The following AK2 variants were observed in gnomAD, a reference collection of about 807,000 sequenced individuals.
The protein encoded by AK2 is adenylate kinase 2, mitochondrial.
A neutral mutation model predicts 24.6 loss-of-function variants in AK2; 15 were observed. That is an observed-to-expected ratio of 0.61 (90% CI 0.41 to 0.94). AK2 has a LOEUF of 0.94. AK2 is among the 40% of genes least tolerant of loss of function. The pLI is 0.00. For missense variants in AK2, 257 were observed against 304.1 expected (o/e 0.85, Z 1.15); for synonymous variants, 102 against 114.0 (o/e 0.90, Z 0.67).
chr1:33,024,671 A>G lies in AK2; in HGVS notation c.94-104T>C, dbSNP rs572591039. 7.1e-6 allele frequency: 10 copies of G among 1,412,992 alleles called. No homozygotes were observed. The Admixed American group carries it at 1.6e-4, about 23-fold the overall frequency. 87.5% of individuals were successfully genotyped at this position (1,412,992 alleles called of 1,614,324 possible). A position where few individuals can be genotyped will look rare whatever the true frequency, so the allele number is the denominator to read the frequency against. On this transcript the variant is annotated intron_variant, in intron 1 of 5. Transcript: ENST00000672715. ...CCTGCCACTTACTGGCTATGTAAAC[A>G]TGGGCAAATGCCTACTTCCTTACCT... is the stretch of plus-strand genomic sequence containing the variant.
At chr1:33,033,311 G>A (rs1035989514) in intron 1 of AK2, among the ~76,000 whole-genome samples, 1 of 152,102 alleles carries the variant, frequency 6.6e-6, no homozygotes, top group Non-Finnish European at 1.5e-5. Flanking sequence ...GGAGGAGCCC[G>A]GTAGTTCAAG....
intron 1 of AK2, among the ~76,000 whole-genome samples, chr1:33,030,262 T>C (rs552914390): frequency 2.6e-5 from 4 of 152,216 alleles, no homozygotes; most frequent in Non-Finnish European, 5.9e-5. Flanking sequence ...TCTGAGTACA[T>C]TTCTCCCATC....
At chr1:33,029,534 C>G (rs1027991012) in intron 1 of AK2, 1 of 150,958 alleles carries the variant, frequency 6.6e-6, no homozygotes, top group South Asian at 2.1e-4. Context: ...CTGCCTTAGT[C>G]TCCCAGGTAG....
At chr1:33,031,622 T>G (rs1419726510) in intron 1 of AK2, 1 of 456,072 alleles carries the variant, frequency 2.2e-6, no homozygotes, top group South Asian at 1.5e-5. Context: ...ACTTGCTATG[T>G]AGCCTAGAGA....
At chr1:33,031,557 T>A in intron 1 of AK2, 1 of 455,926 alleles carries the variant, frequency 2.2e-6, no homozygotes, top group Non-Finnish European at 4.4e-6. Flanking sequence ...GGGCAGTAGA[T>A]AGCAGCAGAA....
intron 1 of AK2, among the ~76,000 whole-genome samples, chr1:33,030,566 C>T (rs1189493013): frequency 2.6e-5 from 4 of 152,078 alleles, no homozygotes; most frequent in African/African-American, 9.7e-5. Context: ...AAAACAAAAA[C>T]ACCTCCCCAA....
chr1:33,010,275 A>T lies in AK2; in HGVS notation c.*2906T>A, dbSNP rs1293866392. ...TTTCATTCCCTTCCCCCTCCCCTTGATTCCAGTTTGCTTGATTTGTTGAGC... is the reference window on the plus strand; with the variant it reads ...TTTCATTCCCTTCCCCCTCCCCTTGTTTCCAGTTTGCTTGATTTGTTGAGC... On this transcript the variant is annotated 3_prime_UTR_variant, in exon 6 of 6. Coordinates refer to ENST00000672715, the MANE Select transcript of AK2 (RefSeq NM_001625.4). 4.4e-6 allele frequency: 2 copies of T among 454,852 alleles called. No individual in the cohort carries two copies. The highest frequency in any genetic ancestry group is 4.7e-5 in the Admixed American group (2 of 42,566). The allele number at this position is 454,852 out of a possible 1,614,324, so 28.2% of individuals were successfully genotyped here. A position where few individuals can be genotyped will look rare whatever the true frequency, so the allele number is the denominator to read the frequency against.
chr1:33,012,023 T>C lies in AK2; in HGVS notation c.*1158A>G. On this transcript the variant is annotated 3_prime_UTR_variant, in exon 6 of 6. Coordinates refer to ENST00000672715, the MANE Select transcript of AK2 (RefSeq NM_001625.4). ...AAGAATAGATCACACACTGTTTTGT[T>C]CACACTTGGAAACACAGGCAAACAT... 2 of 1,535,406 alleles carry C rather than the reference T, an allele frequency of 1.3e-6. No homozygotes were observed. The highest frequency in any genetic ancestry group is 1.2e-5 in the South Asian group (1 of 84,046).
In AK2 at chr1:33,008,176, T is replaced by C. The variant is rs1638591980; in HGVS notation, c.*5005A>G. 4.4e-6 allele frequency: 2 copies of C among 454,154 alleles called. No individual in the cohort carries two copies. Among genetic ancestry groups the C allele is most frequent in the Non-Finnish European group, 8.8e-6 (2 of 226,902 alleles). The allele number at this position is 454,154 out of a possible 1,614,324, so 28.1% of individuals were successfully genotyped here. On this transcript the variant is annotated 3_prime_UTR_variant, in exon 6 of 6. Coordinates refer to ENST00000672715, the MANE Select transcript of AK2 (RefSeq NM_001625.4). Reference sequence around the variant, plus strand: ...CCATCTGTGTTTACTAAGCATCTGCTGTGTCCTGGGCAGTCCAACCCACAT... The same window carrying C: ...CCATCTGTGTTTACTAAGCATCTGCCGTGTCCTGGGCAGTCCAACCCACAT...
chr1:33,018,135 T>C (rs1639310699), intron 4 of AK2, among the ~76,000 whole-genome samples: 1 of 152,140 alleles, frequency 6.6e-6, no homozygotes. Context: ...ATTAAGATAA[T>C]ACCGGAGAGC....
chr1:33,024,135 C>A (rs910512545), intron 2 of AK2: 2 of 354,076 alleles, frequency 5.6e-6, no homozygotes, highest in Non-Finnish European at 1.1e-5. Flanking sequence ...TGCGCCACTG[C>A]ACTCCAGCCT....
Position 33,036,883 on chromosome 1 carries a change from T to C in AK2, c.-55A>G. On this transcript the variant is annotated 5_prime_UTR_variant, in exon 1 of 6. Coordinates refer to ENST00000672715, the MANE Select transcript of AK2 (RefSeq NM_001625.4). ...TCGCACGCCTCACAGGTCCAGTGCT[T>C]CCCAGGTCAACGCACGCACGCCACG... is the stretch of plus-strand genomic sequence containing the variant. 6.8e-7 allele frequency: 1 copy of C among 1,468,654 alleles called. No homozygotes were observed. Among genetic ancestry groups the C allele is most frequent in the South Asian group, 1.2e-5 (1 of 82,768 alleles). The allele number at this position is 1,468,654 out of a possible 1,614,324, so 91.0% of individuals were successfully genotyped here.
In AK2 at chr1:33,011,191, T is replaced by C. The variant is rs1162954044; in HGVS notation, c.*1990A>G. 1.5e-6 allele frequency: 2 copies of C among 1,299,840 alleles called. No homozygotes were observed. Among genetic ancestry groups the C allele is most frequent in the Non-Finnish European group, 2.0e-6 (2 of 1,009,406 alleles). The allele number at this position is 1,299,840 out of a possible 1,614,324, so 80.5% of individuals were successfully genotyped here. On this transcript the variant is annotated 3_prime_UTR_variant, in exon 6 of 6. Coordinates refer to ENST00000672715, the MANE Select transcript of AK2 (RefSeq NM_001625.4). ...AGCAAACATTCAAGAACCTCAACTT[T>C]GAGGCCAAGTGCTTACAATTGTCCC...
rs778698293 is a variant in AK2, at chr1:33,009,151, C to T, written c.*4030G>A. 5 of 452,084 alleles carry T rather than the reference C, an allele frequency of 1.1e-5. No individual in the cohort carries two copies. The highest frequency in any genetic ancestry group is 2.2e-5 in the Non-Finnish European group (5 of 225,698). The allele number at this position is 452,084 out of a possible 1,614,324, so 28.0% of individuals were successfully genotyped here. ...TAATATGTCAGTGAAGACCCTGCCT[C>T]TCTCTGTAACAAGATGCCTAAAGAA... On this transcript the variant is annotated 3_prime_UTR_variant, in exon 6 of 6. Coordinates refer to ENST00000672715, the MANE Select transcript of AK2 (RefSeq NM_001625.4).
chr1:33,009,287 G>C lies in AK2; in HGVS notation c.*3894C>G, dbSNP rs1408588080. The C allele has an allele frequency of 2.2e-6, 1 of 454,116 alleles. No homozygotes were observed. Among genetic ancestry groups the C allele is most frequent in the Non-Finnish European group, 4.4e-6 (1 of 226,806 alleles). 28.1% of individuals were successfully genotyped at this position (454,116 alleles called of 1,614,324 possible). On this transcript the variant is annotated 3_prime_UTR_variant, in exon 6 of 6. Coordinates refer to ENST00000672715, the MANE Select transcript of AK2 (RefSeq NM_001625.4). ...CCAAAAACATGAGAGCTTTAGTTTG[G>C]AGAAATTATTTAAGCTCACTTTTGC...
At chr1:33,032,722 T>C (rs760591987) in intron 1 of AK2, among the ~76,000 whole-genome samples, 17 of 152,012 alleles carry the variant, frequency 1.1e-4, no homozygotes, top group Non-Finnish European at 1.6e-4. Flanking sequence ...GGCCAAAAAA[T>C]TGAACCTAAA....
chr1:33,012,609 C>T lies in AK2; in HGVS notation c.*572G>A, dbSNP rs1358623566. On this transcript the variant is annotated 3_prime_UTR_variant, in exon 6 of 6. Coordinates refer to ENST00000672715, the MANE Select transcript of AK2 (RefSeq NM_001625.4). ...TCAAAAGTATGGTTAAAGAAGTAAA[C>T]AGCTGGGCTGGGTGTAGTGGCTCAC... is the stretch of plus-strand genomic sequence containing the variant. 9 of 1,290,244 alleles carry T rather than the reference C, an allele frequency of 7.0e-6. No individual in the cohort carries two copies. Among genetic ancestry groups the T allele is most frequent in the Non-Finnish European group, 8.1e-6 (8 of 991,016 alleles). 79.9% of individuals were successfully genotyped at this position (1,290,244 alleles called of 1,614,324 possible).
At chr1:33,019,778 G>C in intron 4 of AK2, 5 of 1,061,986 alleles carry the variant, frequency 4.7e-6, no homozygotes, top group East Asian at 7.4e-5. Flanking sequence ...CATGCATTAT[G>C]ATGGCCATAG....
rs752317962 is a variant in AK2 at position 33,013,082 on chromosome 1, G to T, written c.*99C>A. 28 of 1,609,358 alleles carry T rather than the reference G, an allele frequency of 1.7e-5. No individual in the cohort carries two copies. The highest frequency in any genetic ancestry group is 1.6e-4 in the Middle Eastern group (1 of 6,084). ...TGCTTTTTTAATCAATACATCAAAT[G>T]ATATTTTTGCTAGCCTGAGGAAGCT... is the stretch of plus-strand genomic sequence containing the variant. On this transcript the variant is annotated 3_prime_UTR_variant, in exon 6 of 6. Coordinates refer to ENST00000672715, the MANE Select transcript of AK2 (RefSeq NM_001625.4).
Sources: allele counts gnomAD v4.1 joint callset (sites outside exome capture counted in the v4.1 genomes callset), GRCh38; gene constraint gnomAD v4.1.1; transcripts MANE v1.5; gene names NCBI Gene and HGNC (gene_info 2026-07-23, HGNC 2026-07-21).